Variants in TRPM1 observed in about 807,000 individuals in gnomAD.
The protein encoded by TRPM1 is transient receptor potential cation channel subfamily M member 1.
TRPM1 carries 113 observed loss-of-function variants against 149.4 expected under a neutral mutation model. The observed-to-expected ratio is 0.76, with a 90% confidence interval of 0.65 to 0.88. TRPM1 has a LOEUF of 0.88. Ranked by LOEUF, TRPM1 falls within the 40% of genes least tolerant of loss-of-function variation. The pLI is 0.00. For missense variants in TRPM1, 1,976 were observed against 2,038.7 expected, an observed-to-expected ratio of 0.97 and a Z score of 0.59; for synonymous variants, 741 against 759.5, an observed-to-expected ratio of 0.98 and a Z score of 0.40.
chr15:31,033,266 A>G (rs1410424360), intron 21 of TRPM1, among the ~76,000 whole-genome samples: 1 of 152,180 alleles, frequency 6.6e-6, no homozygotes, highest in East Asian at 1.9e-4. Context: ...TTCCAGAGTC[A>G]CACAGGATGA....
intron 1 of TRPM1, among the ~76,000 whole-genome samples, chr15:31,093,595 G>T (rs531090579): frequency 7.4e-4 from 109 of 147,062 alleles, no homozygotes; most frequent in African/African-American, 2.5e-3. Context: ...GAGCAATCTG[G>T]TTTTTTTTTT....
intron 1 of TRPM1, 64 bp downstream of exon 1, chr15:31,101,593 C>G: frequency 2.1e-6 from 2 of 948,726 alleles, no homozygotes; most frequent in Non-Finnish European, 2.5e-6. Context: ...CTTGAGTTTA[C>G]CCACACCTGA....
Position 31,070,144 on chromosome 15 carries a change from G to A in TRPM1, c.166C>T (p.Gln56Ter). ...CATTTCTCAGGCTGAGTCTCCACCT[G>A]TTTGCTTTCCTCTTCATTTTTGCTG... ...TPSKNEEESK[Q>*]VETQPEKWSV... Residue 56 changes from glutamine (Q) to a stop codon, truncating the protein, a stop_gained, in exon 4 of 28, where the codon CAG becomes TAG. Coordinates refer to ENST00000256552, the MANE Select transcript of TRPM1 (RefSeq NM_001252024.2). LOFTEE classifies it high-confidence loss of function. The A allele has an allele frequency of 6.2e-7, 1 of 1,614,108 alleles. No homozygotes were observed. The highest frequency in any genetic ancestry group is 8.5e-7 in the Non-Finnish European group (1 of 1,179,956).
intron 1 of TRPM1, among the ~76,000 whole-genome samples, chr15:31,090,096 T>C (rs79713823): frequency 0.032 from 4,820 of 152,324 alleles, 271 homozygotes; most frequent in African/African-American, 0.11. Flanking sequence ...TCTGCAACCC[T>C]AGCCCCTAGC....
At chr15:31,079,623 C>T (rs1166562017) in intron 2 of TRPM1, among the ~76,000 whole-genome samples, 1 of 152,238 alleles carries the variant, frequency 6.6e-6, no homozygotes, top group Non-Finnish European at 1.5e-5. Context: ...TTGAGTCACT[C>T]AGTCCATCCC....
At chr15:31,102,688 A>C (rs1567056857), upstream of TRPM1, among the ~76,000 whole-genome samples, 3 of 152,230 alleles carry the variant, frequency 2.0e-5, no homozygotes, top group Non-Finnish European at 1.5e-5. Flanking sequence ...CCTGGGGCTC[A>C]GGGAATCTCT....
intron 1 of TRPM1, among the ~76,000 whole-genome samples, chr15:31,097,139 T>C (rs949211318): frequency 6.6e-6 from 1 of 152,194 alleles, no homozygotes; most frequent in Non-Finnish European, 1.5e-5. Flanking sequence ...TTCTGAGTGT[T>C]TTCTGCTTAT....
At chr15:31,075,582 A>T (rs1244512442) in intron 3 of TRPM1, among the ~76,000 whole-genome samples, 1 of 152,194 alleles carries the variant, frequency 6.6e-6, no homozygotes, top group South Asian at 2.1e-4. Context: ...ACTTAGCCTC[A>T]GCAACAGGTG....
At position 31,128,873 on chromosome 15, in the gene TRPM1, A is replaced by G. The variant is rs572366568; in HGVS notation, c.54+32033T>C. 7.2e-5 allele frequency among the ~76,000 whole-genome samples: 11 copies of G among 152,266 alleles called. No homozygotes were observed. In the East Asian group the frequency reaches 2.1e-3, roughly 29 times the overall value. On this transcript the variant is annotated intron_variant, in intron 1 of 26. Coordinates refer to the TRPM1 transcript ENST00000542188. ...GGCCAGCATTTTTATTTTGCATAGA[A>G]CTCAGCAAATTTTGTAGCTAATTCA...
chr15:31,022,259 A>G (rs1238204562), intron 27 of TRPM1, among the ~76,000 whole-genome samples: 2 of 152,228 alleles, frequency 1.3e-5, no homozygotes, highest in African/African-American at 4.8e-5. Flanking sequence ...TCCCAATGAT[A>G]AGGACTCATG....
intron 1 of TRPM1, among the ~76,000 whole-genome samples, chr15:31,094,571 C>G (rs1042991717): frequency 6.6e-6 from 1 of 152,184 alleles, no homozygotes; most frequent in Non-Finnish European, 1.5e-5. Context: ...ATAGACAATT[C>G]TCCAATGAAG....
chr15:31,040,103 G>A lies in TRPM1; in HGVS notation c.2316+15C>T. 6.2e-7 allele frequency: 1 copy of A among 1,612,718 alleles called. No homozygotes were observed. The highest frequency in any genetic ancestry group is 8.5e-7 in the Non-Finnish European group (1 of 1,178,740). ...CACTGTCACCCTGGCCCGCCTCGCA[G>A]CACGTTGCACGCACCTTCAGGCCGG... is the stretch of plus-strand genomic sequence containing the variant. On this transcript the variant is annotated intron_variant, in intron 18 of 27. Coordinates refer to ENST00000256552, the MANE Select transcript of TRPM1 (RefSeq NM_001252024.2). The surrounding 1 kb of genome is among the most constrained non-coding windows in gnomAD (Gnocchi z 4.2).
At chr15:31,146,415 C>G (rs558775428) in intron 1 of TRPM1, among the ~76,000 whole-genome samples, 1 of 152,300 alleles carries the variant, frequency 6.6e-6, no homozygotes, top group East Asian at 1.9e-4. Context: ...CTGCTCTAGG[C>G]CCCAACAGAC....
chr15:31,145,394 G>A (rs1395296787), intron 1 of TRPM1, among the ~76,000 whole-genome samples: 1 of 152,142 alleles, frequency 6.6e-6, no homozygotes, highest in South Asian at 2.1e-4. Context: ...TCACTTGGCA[G>A]GATAATGCTG....
At chr15:31,089,799 C>T (rs951470610) in intron 1 of TRPM1, among the ~76,000 whole-genome samples, 1 of 152,124 alleles carries the variant, frequency 6.6e-6, no homozygotes. Context: ...AGTGCATAAG[C>T]TTTTGGGCCC....
At chr15:31,147,859 T>C (rs945261370) in intron 1 of TRPM1, among the ~76,000 whole-genome samples, 1 of 152,094 alleles carries the variant, frequency 6.6e-6, no homozygotes, top group South Asian at 2.1e-4. Flanking sequence ...GGGGTCCAGG[T>C]CCCCAGGGAG....
chr15:31,049,603 C>T (rs1049599781), intron 12 of TRPM1, 94 bp from the exon 13 acceptor site: 44 of 1,448,094 alleles, frequency 3.0e-5, no homozygotes, highest in Admixed American at 2.9e-4. Context: ...GTATTCCGAA[C>T]GCCAGATTCC....
intron 3 of TRPM1, 113 bp downstream of exon 3, chr15:31,076,792 G>A: frequency 1.2e-6 from 1 of 836,986 alleles, no homozygotes; most frequent in Non-Finnish European, 2.1e-6. Context: ...ACTCCCATGG[G>A]GAATGGATTC....
At chr15:31,016,175 T>C (rs16956455) in intron 27 of TRPM1, among the ~76,000 whole-genome samples, 31,593 of 152,178 alleles carry the variant, frequency 0.21, 3,919 homozygotes, top group African/African-American at 0.35. Context: ...GGCTGTGTTA[T>C]TTATTATAGG....
Sources: gnomAD v4.1 joint callset for allele counts (sites outside exome capture counted in the v4.1 genomes callset) on GRCh38, gnomAD v4.1.1 for gene constraint, Gnocchi (gnomAD v3.1) non-coding constraint, MANE v1.5 for transcripts, NCBI Gene and HGNC (gene_info 2026-07-23, HGNC 2026-07-21) for gene names.